CHRNB4: variants seen among roughly 807,000 people sequenced by gnomAD.
The protein encoded by CHRNB4 is cholinergic receptor nicotinic beta 4 subunit.
CHRNB4 carries 23 observed loss-of-function variants against 40.4 expected under a neutral mutation model. That is an observed-to-expected ratio of 0.57 (90% CI 0.41 to 0.81). The LOEUF is 0.81. Among genes scored for constraint, CHRNB4 ranks in the 30% least tolerant of loss-of-function variants. CHRNB4 has a pLI of 0.00. For missense variants in CHRNB4, 568 were observed against 670.6 expected, an observed-to-expected ratio of 0.85 and a Z score of 1.69; for synonymous variants, 285 against 274.4, an observed-to-expected ratio of 1.04 and a Z score of -0.38.
chr15:78,645,632 C>T (rs547006463), upstream of CHRNB4, among the ~76,000 whole-genome samples: 1 of 152,134 alleles, frequency 6.6e-6, no homozygotes, highest in Non-Finnish European at 1.5e-5. Flanking sequence ...TATTGACTTT[C>T]TTCCCTTCCC....
chr15:78,624,890 C>G lies in CHRNB4; in HGVS notation c.*243G>C. 1.5e-6 allele frequency: 2 copies of G among 1,371,334 alleles called. No homozygotes were observed. Among genetic ancestry groups the G allele is most frequent in the Non-Finnish European group, 1.9e-6 (2 of 1,037,980 alleles). The allele number at this position is 1,371,334 out of a possible 1,614,324, so 84.9% of individuals were successfully genotyped here. A position where few individuals can be genotyped will look rare whatever the true frequency, so the allele number is the denominator to read the frequency against. Reference sequence around the variant, plus strand: ...CATTGCCCGGTGCAGGGAAGGAAGACAGGCCAGAATTGAACTGTCTGAAGC... The same window carrying G: ...CATTGCCCGGTGCAGGGAAGGAAGAGAGGCCAGAATTGAACTGTCTGAAGC... On this transcript the variant is annotated 3_prime_UTR_variant, in exon 6 of 6. Transcript: ENST00000261751.
chr15:78,637,113 G>C (rs1266785190), intron 1 of CHRNB4, among the ~76,000 whole-genome samples: 5 of 152,214 alleles, frequency 3.3e-5, no homozygotes, highest in Non-Finnish European at 5.9e-5. Flanking sequence ...GCTTCGAGGA[G>C]AGGTCTTAGC....
At chr15:78,648,120 G>A (rs923824122) in intron 7 of CHRNB4, among the ~76,000 whole-genome samples, 16 of 151,962 alleles carry the variant, frequency 1.1e-4, no homozygotes, top group East Asian at 1.9e-4. Context: ...AGGGCCGGGC[G>A]AGGTGGCTCA....
chr15:78,660,975 ATTTC>A (rs1156290760), upstream of CHRNB4: 1 of 459,462 alleles, frequency 2.2e-6, no homozygotes, highest in Admixed American at 2.8e-5. Context: ...TGGGGTCCAC[ATTTC>A]TTTCTTTCCT....
chr15:78,643,993 CA>C (rs34477808), upstream of CHRNB4, among the ~76,000 whole-genome samples: 70,070 of 115,792 alleles, frequency 0.61, 21,964 homozygotes, highest in Non-Finnish European at 0.77. Context: ...ACTAAAAATA[CA>C]AAAAAAAAAA....
chr15:78,635,522 T>C lies in CHRNB4; in HGVS notation c.121A>G (p.Asn41Asp), dbSNP rs765685803. Residue 41 changes from asparagine (N) to aspartate (D), a missense_variant, in exon 2 of 6, where the codon AAT becomes GAT. This residue lies in a region of CHRNB4 where 161 missense variants were observed against 148.1 expected (regional missense o/e 1.09). Transcript: ENST00000261751. ...MDDLLNKTRY[N>D]NLIRPATSSS... The stretch of plus-strand genomic sequence containing the variant: ...CTGGTGGCTGGGCGGATCAGGTTAT[T>C]GTAACGGGTTTTGTTCAGAAGGTCG... The C allele has an allele frequency of 4.3e-6, 7 of 1,614,152 alleles. No individual in the cohort carries two copies. The highest frequency in any genetic ancestry group is 5.9e-6 in the Non-Finnish European group (7 of 1,180,024).
intron 1 of CHRNB4, among the ~76,000 whole-genome samples, chr15:78,659,156 G>A (rs528057381): frequency 1.7e-4 from 26 of 152,146 alleles, no homozygotes; most frequent in Non-Finnish European, 3.4e-4. Flanking sequence ...GGCCAGGTGA[G>A]GGTGGCTCAT....
At position 78,629,890 on chromosome 15, in the gene CHRNB4, CG is replaced by C; in HGVS notation, c.414del (p.Asn138LysfsTer20). The C allele has an allele frequency of 6.2e-7, 1 of 1,611,826 alleles. No individual in the cohort carries two copies. The highest frequency in any genetic ancestry group is 8.5e-7 in the Non-Finnish European group (1 of 1,179,660). On this transcript the variant is annotated frameshift_variant, in exon 5 of 6. Transcript: ENST00000261751. LOFTEE classifies it high-confidence loss of function. The surrounding 1 kb of genome is among the most constrained non-coding windows in gnomAD (Gnocchi z 6.8). Reference sequence around the variant, plus strand: ...GCAGGGGGCAGCCACAGGACGCTGCCGTTGGACCGGACTATCAAGTTGGTGT... The same window carrying C: ...GCAGGGGGCAGCCACAGGACGCTGCCTTGGACCGGACTATCAAGTTGGTGT... ...SVYTNLIVRS[N>X]GSVLWLPPAI...
At chr15:78,645,936 T>C (rs11857565), upstream of CHRNB4, among the ~76,000 whole-genome samples, 5,514 of 151,952 alleles carry the variant, frequency 0.036, 321 homozygotes, top group African/African-American at 0.13. Flanking sequence ...GGCGCACACC[T>C]GTAGTCCCAG....
chr15:78,649,475 T>A, intron 6 of CHRNB4: 4 of 439,612 alleles, frequency 9.1e-6, no homozygotes, highest in South Asian at 6.5e-5. Flanking sequence ...TAAAGCACTA[T>A]AAAAAACAAA....
chr15:78,625,055 T>C lies in CHRNB4; in HGVS notation c.*78A>G, dbSNP rs1187482714. The stretch of plus-strand genomic sequence containing the variant: ...GCTCACATATTTACTTAGGGCCTCA[T>C]CAGCCACAACCCAGAAAGAAGCAGC... On this transcript the variant is annotated 3_prime_UTR_variant, in exon 6 of 6. Transcript: ENST00000261751. The C allele has an allele frequency of 1.2e-6, 2 of 1,608,992 alleles. No individual in the cohort carries two copies. The highest frequency in any genetic ancestry group is 2.2e-5 in the South Asian group (2 of 91,088).
At chr15:78,635,202 C>G (rs1289778944) in intron 2 of CHRNB4, among the ~76,000 whole-genome samples, 1 of 152,238 alleles carries the variant, frequency 6.6e-6, no homozygotes, top group Non-Finnish European at 1.5e-5. Flanking sequence ...CATTGGCTGC[C>G]TACCCAATGG....
chr15:78,630,981 G>T, intron 4 of CHRNB4, 95 bp downstream of exon 4: 1 of 933,592 alleles, frequency 1.1e-6, no homozygotes, highest in Non-Finnish European at 1.7e-6. Flanking sequence ...GCAGAGATGG[G>T]GCTCAGGGTT....
intron 2 of CHRNB4, among the ~76,000 whole-genome samples, chr15:78,632,241 CTCTCTCTCTCTCTCTTTCTTTCTT>C (rs2053844999): frequency 1.2e-5 from 1 of 86,876 alleles, no homozygotes; most frequent in African/African-American, 8.1e-5. Flanking sequence ...CTCTCTCTCT[CTCTCTCTCTCTCTCTTTCTTTCTT>C]TCTTTCTTTC....
intron 1 of CHRNB4, among the ~76,000 whole-genome samples, chr15:78,637,741 A>G (rs193293853): frequency 6.6e-6 from 1 of 152,194 alleles, no homozygotes; most frequent in East Asian, 1.9e-4. Flanking sequence ...TCCACTTTCC[A>G]ACTCGCTGCC....
At chr15:78,652,931 G>C (rs1327762202) in intron 5 of CHRNB4, among the ~76,000 whole-genome samples, 1 of 152,140 alleles carries the variant, frequency 6.6e-6, no homozygotes, top group Non-Finnish European at 1.5e-5. Flanking sequence ...GGATTGACTT[G>C]GCCTCAAATC....
intron 4 of CHRNB4, chr15:78,630,799 A>G (rs2053789027): frequency 1.4e-5 from 6 of 422,254 alleles, no homozygotes; most frequent in Non-Finnish European, 2.6e-5. Context: ...TGGAACACAG[A>G]AAGGGTGCTG....
chr15:78,629,579 G>A lies in CHRNB4; in HGVS notation c.726C>T (p.Pro242=), dbSNP rs1178570861. Residue 242 remains proline, a synonymous_variant, in exon 5 of 6, where the codon CCC becomes CCT. Transcript: ENST00000261751. This position sits in a 1 kb window ranked among gnomAD's most constrained non-coding sequence, Gnocchi z 6.8. ...PLFYTINLII[P]CVLTTLLAIL... Reference sequence around the variant, plus strand: ...TGGCCAGCAAGGTGGTGAGCACGCAGGGGATGATGAGGTTGATGGTGTAGA... The same window carrying A: ...TGGCCAGCAAGGTGGTGAGCACGCAAGGGATGATGAGGTTGATGGTGTAGA... 3 of 1,614,162 alleles carry A rather than the reference G, an allele frequency of 1.9e-6. No homozygotes were observed. In the East Asian group the frequency reaches 6.7e-5, roughly 36 times the overall value.
At chr15:78,647,076 G>A (rs1249554792) in intron 7 of CHRNB4, among the ~76,000 whole-genome samples, 1 of 152,110 alleles carries the variant, frequency 6.6e-6, no homozygotes. Context: ...GGAGTTTGAG[G>A]CTGCAGTGAG....
Sources: gnomAD v4.1 joint callset for allele counts (sites outside exome capture counted in the v4.1 genomes callset) on GRCh38, gnomAD v4.1.1 for gene constraint, gnomAD v4.1.1 regional missense constraint, Gnocchi (gnomAD v3.1) non-coding constraint, MANE v1.5 for transcripts, NCBI Gene and HGNC (gene_info 2026-07-23, HGNC 2026-07-21) for gene names.